SGK3: variants seen among roughly 807,000 people sequenced by gnomAD.
The protein encoded by SGK3 is serum/glucocorticoid regulated kinase family member 3.
In SGK3, 47 loss-of-function variants were observed where a neutral mutation model predicts 68.5. That is an observed-to-expected ratio of 0.69 (90% CI 0.54 to 0.87). The LOEUF is 0.87. SGK3 is among the 40% of genes least tolerant of loss of function. The pLI, the probability that SGK3 is intolerant of heterozygous loss-of-function variation, is 0.00. For synonymous variants in SGK3, 181 were observed against 189.1 expected, an observed-to-expected ratio of 0.96 and a Z score of 0.35; for missense variants, 479 against 575.5, an observed-to-expected ratio of 0.83 and a Z score of 1.72.
intron 1 of SGK3, among the ~76,000 whole-genome samples, chr8:66,758,036 A>C (rs537871385): frequency 2.1e-4 from 31 of 147,056 alleles, no homozygotes; most frequent in East Asian, 1.4e-3. Flanking sequence ...ACACACACAC[A>C]CCCTTTACAT....
At chr8:66,782,789 G>T (rs1479933815) in intron 1 of SGK3, among the ~76,000 whole-genome samples, 1 of 152,118 alleles carries the variant, frequency 6.6e-6, no homozygotes, top group Non-Finnish European at 1.5e-5. Context: ...GTTTCTCCAT[G>T]TCTTGTTATG....
In SGK3 at chr8:66,822,439, G is replaced by A. The variant is rs1356277366; in HGVS notation, c.397G>A (p.Asp133Asn). 3 of 1,611,394 alleles carry A rather than the reference G, an allele frequency of 1.9e-6. No homozygotes were observed. The change falls in exon 6 of 17, where the codon GAT becomes AAT. Residue 133 changes from aspartate (D) to asparagine (N), a missense_variant. This residue lies in a region of SGK3 where 298 missense variants were observed against 329.4 expected (regional missense o/e 0.90). Transcript: ENST00000521198. ...CCAGTCAGATCCATCTGAAGATGAG[G>A]ATGAAAGAAGTTCTCAGAAGGTAGT... ...KHQSDPSEDE[D>N]ERSSQKLHST... is the part of the protein sequence containing the mutation.
At chr8:66,714,960 A>G (rs777506749) in intron 1 of SGK3, among the ~76,000 whole-genome samples, 3 of 152,210 alleles carry the variant, frequency 2.0e-5, no homozygotes, top group African/African-American at 4.8e-5. Context: ...ATGGCTTCAG[A>G]TATCTTGCTC....
In SGK3 at chr8:66,840,167, C is replaced by T. The variant is rs754874507; in HGVS notation, c.855-44C>T. ...AATTGTATATAACAATATTTTATTT[C>T]GGTTTGTATTCAGTTTTGCGTTTCT... On this transcript the variant is annotated intron_variant, in intron 11 of 16. Transcript: ENST00000521198. The T allele has an allele frequency of 9.4e-6, 15 of 1,596,732 alleles. No individual in the cohort carries two copies. The Middle Eastern group carries it at 6.8e-4, about 73-fold the overall frequency.
At chr8:66,736,591 G>A (rs954012263) in intron 1 of SGK3, among the ~76,000 whole-genome samples, 3 of 151,670 alleles carry the variant, frequency 2.0e-5, no homozygotes, top group African/African-American at 7.3e-5. Flanking sequence ...CCCAGTAGCT[G>A]GAACTACAGG....
At chr8:66,804,050 A>G (rs1808057677) in intron 3 of SGK3, among the ~76,000 whole-genome samples, 1 of 152,324 alleles carries the variant, frequency 6.6e-6, no homozygotes, top group African/African-American at 2.4e-5. Flanking sequence ...AGCACTTGCC[A>G]TACATGATCT....
chr8:66,773,267 A>T (rs916591106), intron 1 of SGK3, among the ~76,000 whole-genome samples: 3 of 152,218 alleles, frequency 2.0e-5, no homozygotes, highest in African/African-American at 7.2e-5. Context: ...TCTGTTCTTT[A>T]TACAGAGATG....
chr8:66,818,027 G>A (rs1248754895), intron 5 of SGK3, among the ~76,000 whole-genome samples: 1 of 152,118 alleles, frequency 6.6e-6, no homozygotes, highest in Non-Finnish European at 1.5e-5. Context: ...AGTGAGGTAG[G>A]AGAATCACCC....
intron 1 of SGK3, among the ~76,000 whole-genome samples, chr8:66,757,784 G>A (rs374657621): frequency 2.7e-5 from 4 of 150,498 alleles, no homozygotes; most frequent in East Asian, 3.9e-4. Context: ...GCATGGTGGC[G>A]GGCACCTGTA....
rs1326281668 is a variant in SGK3 at position 66,861,290 on chromosome 8, A to G, written c.*1709A>G. ...CCTTAAAATTGTAACCTACCAACTA[A>G]CTTACATGCTTATAAAAGTAAAGGA... On this transcript the variant is annotated 3_prime_UTR_variant, in exon 17 of 17. Transcript: ENST00000521198. 6.6e-6 allele frequency: 1 copy of G among 151,720 alleles called. No homozygotes were observed. The highest frequency in any genetic ancestry group is 1.5e-5 in the Non-Finnish European group (1 of 67,914). The allele number at this position is 151,720 out of a possible 1,614,324, so 9.4% of individuals were successfully genotyped here.
At position 66,853,460 on chromosome 8, in the gene SGK3, C is replaced by T. The variant is rs78763150; in HGVS notation, c.1320+2540C>T. 8.0e-3 allele frequency among the ~76,000 whole-genome samples: 1,211 copies of T among 152,108 alleles called. 18 individuals are homozygous for T. Among genetic ancestry groups the T allele is most frequent in the African/African-American group, 0.028 (1,145 of 41,488 alleles). On this transcript the variant is annotated intron_variant, in intron 16 of 16. Coordinates refer to ENST00000521198, the MANE Select transcript of SGK3 (RefSeq NM_001033578.3). ...AAAATGAATTAGTTGATTTTCCAATCGGTTAGTGTTTTATATTTTAATAGG... is the reference window on the plus strand; with the variant it reads ...AAAATGAATTAGTTGATTTTCCAATTGGTTAGTGTTTTATATTTTAATAGG...
At chr8:66,757,540 G>A (rs1806016507) in intron 1 of SGK3, among the ~76,000 whole-genome samples, 1 of 151,586 alleles carries the variant, frequency 6.6e-6, no homozygotes, top group African/African-American at 2.4e-5. Context: ...AAATTACTGA[G>A]TACCCCAAGG....
chr8:66,722,981 C>G (rs1157065966), intron 1 of SGK3, among the ~76,000 whole-genome samples: 1 of 150,964 alleles, frequency 6.6e-6, no homozygotes, highest in Non-Finnish European at 1.5e-5. Flanking sequence ...TCACCAGACT[C>G]CATCTCCACC....
At chr8:66,783,970 T>C (rs951587878) in intron 1 of SGK3, among the ~76,000 whole-genome samples, 2 of 152,162 alleles carry the variant, frequency 1.3e-5, no homozygotes, top group East Asian at 3.9e-4. Context: ...AGGCTAGCTG[T>C]AATCTCCACC....
At chr8:66,717,899 A>G (rs1804682642) in intron 1 of SGK3, among the ~76,000 whole-genome samples, 2 of 152,080 alleles carry the variant, frequency 1.3e-5, no homozygotes, top group African/African-American at 2.4e-5. Flanking sequence ...GATGGGTTTC[A>G]CTGTATTGGC....
At chr8:66,803,743 A>G (rs963945925) in intron 3 of SGK3, among the ~76,000 whole-genome samples, 4 of 151,546 alleles carry the variant, frequency 2.6e-5, no homozygotes, top group African/African-American at 9.7e-5. Context: ...TGCAGCCCCA[A>G]CCTTCCAGGC....
intron 4 of SGK3, among the ~76,000 whole-genome samples, chr8:66,805,412 G>A (rs1486987557): frequency 1.3e-5 from 2 of 151,694 alleles, no homozygotes; most frequent in African/African-American, 2.4e-5. Flanking sequence ...CCAGCTACTC[G>A]GGAGGCTGAG....
At chr8:66,822,207 A>G (rs1308900682) in intron 5 of SGK3, among the ~76,000 whole-genome samples, 165 bp from the exon 6 acceptor site, 4 of 152,088 alleles carry the variant, frequency 2.6e-5, no homozygotes, top group African/African-American at 9.7e-5. Flanking sequence ...TAAAAAAAAA[A>G]TTAATTTGCG....
chr8:66,802,886 T>C (rs1808005449), intron 3 of SGK3, among the ~76,000 whole-genome samples: 1 of 152,164 alleles, frequency 6.6e-6, no homozygotes, highest in African/African-American at 2.4e-5. Context: ...TCCTGGTTCA[T>C]CTCTATCCCT....
Sources: gnomAD v4.1 joint callset for allele counts (sites outside exome capture counted in the v4.1 genomes callset) on GRCh38, gnomAD v4.1.1 for gene constraint, gnomAD v4.1.1 regional missense constraint, MANE v1.5 for transcripts, NCBI Gene and HGNC (gene_info 2026-07-23, HGNC 2026-07-21) for gene names.